The following GRXCR2 variants were observed in gnomAD, a reference collection of about 807,000 sequenced individuals.
The protein encoded by GRXCR2 is glutaredoxin and cysteine rich domain containing 2.
GRXCR2 carries 23 observed loss-of-function variants against 24.8 expected under a neutral mutation model. The observed-to-expected ratio is 0.93, with a 90% CI of 0.67 to 1.32. The LOEUF is 1.32. Among genes scored for constraint, GRXCR2 ranks in the 40% most tolerant of loss-of-function variants. The pLI is 0.00. For synonymous variants in GRXCR2, 130 were observed against 116.1 expected (o/e 1.12, Z -0.77); for missense variants, 315 against 303.4 (o/e 1.04, Z -0.28).
intron 2 of GRXCR2, among the ~76,000 whole-genome samples, chr5:145,900,973 A>G (rs1325938800): frequency 1.3e-5 from 2 of 152,212 alleles, no homozygotes; most frequent in East Asian, 3.9e-4. Context: ...AAAAAGAACC[A>G]AAGCATGTCC....
upstream of GRXCR2, among the ~76,000 whole-genome samples, chr5:145,873,219 G>A (rs2149912450): frequency 6.6e-6 from 1 of 152,244 alleles, no homozygotes; most frequent in Middle Eastern, 3.4e-3. Flanking sequence ...ATAATCCCAA[G>A]CTCACCATGA....
chr5:145,896,616 TAA>T (rs1360222366), intron 2 of GRXCR2, among the ~76,000 whole-genome samples: 1 of 152,014 alleles, frequency 6.6e-6, no homozygotes, highest in South Asian at 2.1e-4. Flanking sequence ...TGGCAAACAT[TAA>T]AAAAGTCAGG....
At chr5:145,921,524 G>A (rs912356222) in intron 2 of GRXCR2, among the ~76,000 whole-genome samples, 4 of 152,250 alleles carry the variant, frequency 2.6e-5, no homozygotes, top group Admixed American at 1.3e-4. Context: ...AACTGAACAC[G>A]TTGATTCAAT....
intron 2 of GRXCR2, among the ~76,000 whole-genome samples, chr5:145,898,326 C>T (rs1204525719): frequency 6.6e-6 from 1 of 150,990 alleles, no homozygotes; most frequent in African/African-American, 2.4e-5. Context: ...AAGCCCTGGA[C>T]CAGATGGATT....
chr5:145,888,372 G>A (rs566293263), intron 2 of GRXCR2, among the ~76,000 whole-genome samples: 5 of 152,330 alleles, frequency 3.3e-5, no homozygotes, highest in East Asian at 1.9e-4. Flanking sequence ...AGGTGCTCAC[G>A]GTGGAGCGTA....
chr5:145,921,415 AC>A (rs1370035662), intron 2 of GRXCR2, among the ~76,000 whole-genome samples: 2 of 152,008 alleles, frequency 1.3e-5, no homozygotes, highest in Non-Finnish European at 2.9e-5. Context: ...ATCACCAGTC[AC>A]CCCAGTCTGC....
chr5:145,895,362 A>G (rs960187007), intron 2 of GRXCR2, among the ~76,000 whole-genome samples: 2 of 152,172 alleles, frequency 1.3e-5, no homozygotes, highest in Non-Finnish European at 2.9e-5. Context: ...TTTGCAGATG[A>G]CATGATTGTA....
At chr5:145,878,046 G>T (rs887678473) in intron 2 of GRXCR2, among the ~76,000 whole-genome samples, 24 of 152,306 alleles carry the variant, frequency 1.6e-4, no homozygotes, top group Admixed American at 5.2e-4. Flanking sequence ...TGTAGGTCAC[G>T]AACATCAAAG....
chr5:145,893,730 A>G (rs774313484), intron 2 of GRXCR2, among the ~76,000 whole-genome samples: 3 of 152,166 alleles, frequency 2.0e-5, no homozygotes, highest in Non-Finnish European at 2.9e-5. Context: ...TCAACAAGAC[A>G]TAAATTTAAC....
At chr5:145,911,071 T>A (rs546909509) in intron 2 of GRXCR2, among the ~76,000 whole-genome samples, 1 of 152,214 alleles carries the variant, frequency 6.6e-6, no homozygotes, top group Non-Finnish European at 1.5e-5. Flanking sequence ...ATTATTTTTA[T>A]TGAAAATACT....
At chr5:145,915,746 A>G (rs1253678450) in intron 2 of GRXCR2, among the ~76,000 whole-genome samples, 3 of 114,814 alleles carry the variant, frequency 2.6e-5, no homozygotes, top group Non-Finnish European at 5.8e-5. Context: ...AAAAAAAAAA[A>G]GGAAGAAGAA....
intron 2 of GRXCR2, among the ~76,000 whole-genome samples, chr5:145,913,293 A>G (rs1415003264): frequency 6.6e-6 from 1 of 152,108 alleles, no homozygotes; most frequent in Admixed American, 6.6e-5. Context: ...TGGTCTTCCA[A>G]ATAGTTTTTC....
chr5:145,922,507 T>A (rs200464812), intron 2 of GRXCR2, among the ~76,000 whole-genome samples: 1 of 152,210 alleles, frequency 6.6e-6, no homozygotes, highest in East Asian at 1.9e-4. Context: ...CCTGAAGGTA[T>A]TTCAGTGTCA....
intron 2 of GRXCR2, among the ~76,000 whole-genome samples, chr5:145,915,918 ATT>A (rs990141264): frequency 3.9e-4 from 59 of 152,300 alleles, no homozygotes; most frequent in African/African-American, 1.4e-3. Flanking sequence ...CTGGAACAGA[ATT>A]AATGCATGGT....
At chr5:145,876,478 A>C (rs1022132037), upstream of GRXCR2, among the ~76,000 whole-genome samples, 2 of 151,760 alleles carry the variant, frequency 1.3e-5, no homozygotes, top group Non-Finnish European at 2.9e-5. Flanking sequence ...GGGAACTCCT[A>C]ACTAGAAGAA....
At chr5:145,861,183 T>C (rs370723755) in intron 2 of GRXCR2, among the ~76,000 whole-genome samples, 1 of 152,172 alleles carries the variant, frequency 6.6e-6, no homozygotes, top group African/African-American at 2.4e-5. Context: ...GAACTGAGTG[T>C]GGACCCATGC....
At chr5:145,928,876 C>T (rs1438066611) in intron 2 of GRXCR2, among the ~76,000 whole-genome samples, 4 of 150,984 alleles carry the variant, frequency 2.6e-5, no homozygotes, top group East Asian at 3.9e-4. Context: ...ACATGTTGTG[C>T]ACATGTACCC....
chr5:145,881,866 C>T (rs1446790248), intron 2 of GRXCR2, among the ~76,000 whole-genome samples: 1 of 152,166 alleles, frequency 6.6e-6, no homozygotes, highest in East Asian at 1.9e-4. Flanking sequence ...AATAACACCA[C>T]ACATCTACAA....
At chr5:145,864,257 A>G (rs954455333) in intron 2 of GRXCR2, among the ~76,000 whole-genome samples, 1 of 151,990 alleles carries the variant, frequency 6.6e-6, no homozygotes, top group African/African-American at 2.4e-5. Flanking sequence ...AAAATAATAT[A>G]TGAGGGATGG....
Sources: gnomAD v4.1 joint callset for allele counts (sites outside exome capture counted in the v4.1 genomes callset) on GRCh38, gnomAD v4.1.1 for gene constraint, MANE v1.5 for transcripts, NCBI Gene and HGNC (gene_info 2026-07-23, HGNC 2026-07-21) for gene names.